The following TTLL8 variants were observed in gnomAD, a reference collection of about 807,000 sequenced individuals.
The protein encoded by TTLL8 is tubulin tyrosine ligase like 8, also known as protein monoglycylase TTLL8.
Under a neutral mutation model 77.8 loss-of-function variants are expected in TTLL8, and 65 were observed. That is an observed-to-expected ratio of 0.84 (90% confidence interval 0.68 to 1.03). The LOEUF (loss-of-function observed/expected upper bound fraction) is 1.03, where lower values mean the gene tolerates loss of function less well. TTLL8 is among the 50% of genes least tolerant of loss of function. The pLI is 0.00. For missense variants in TTLL8, 910 were observed against 1,004.5 expected (o/e 0.91, Z 1.27); for synonymous variants, 402 against 422.8 (o/e 0.95, Z 0.60).
At chr22:50,020,622 C>T (rs1043490535) in intron 12 of TTLL8, among the ~76,000 whole-genome samples, 3 of 149,318 alleles carry the variant, frequency 2.0e-5, no homozygotes, top group African/African-American at 7.4e-5. Flanking sequence ...ACGACGTGTA[C>T]CCCTCCATCT....
chr22:50,029,452 C>A (rs1057472920), intron 12 of TTLL8, among the ~76,000 whole-genome samples: 1 of 152,150 alleles, frequency 6.6e-6, no homozygotes, highest in Non-Finnish European at 1.5e-5. Context: ...CCTAAAGACC[C>A]CCCCTATTGC....
intron 11 of TTLL8, 123 bp downstream of exon 12, chr22:50,031,563 C>T (rs2061293040): frequency 4.2e-6 from 5 of 1,187,366 alleles, no homozygotes; most frequent in Admixed American, 3.6e-5. Flanking sequence ...AGAGCAGGAT[C>T]GGTGTCCTCC....
chr22:50,035,443 G>C (rs957940874), intron 8 of TTLL8, among the ~76,000 whole-genome samples: 2 of 152,190 alleles, frequency 1.3e-5, no homozygotes, highest in African/African-American at 4.8e-5. Context: ...TGTGGCCGGG[G>C]GTGCCTGGGC....
intron 8 of TTLL8, among the ~76,000 whole-genome samples, chr22:50,035,159 G>A (rs1051592809): frequency 5.3e-5 from 8 of 152,188 alleles, no homozygotes; most frequent in Non-Finnish European, 1.0e-4. Context: ...CCCAGGGCCC[G>A]CTGGAGCCGT....
chr22:50,043,853 A>C (rs1043711907), intron 6 of TTLL8, among the ~76,000 whole-genome samples: 1 of 152,084 alleles, frequency 6.6e-6, no homozygotes, highest in African/African-American at 2.4e-5. Context: ...GTGGTAGCCA[A>C]GAGCTCGGGG....
chr22:50,049,890 C>T lies in TTLL8; in HGVS notation c.190+219G>A, dbSNP rs371146049. On this transcript the variant is annotated intron_variant, in intron 2 of 13. Transcript: ENST00000266182. Reference sequence around the variant, plus strand: ...GAGGCCTGGGTGGAGGCCACAGGGACTCTGAGAAGGGAGCAGGGCTGGGGG... The same window carrying T: ...GAGGCCTGGGTGGAGGCCACAGGGATTCTGAGAAGGGAGCAGGGCTGGGGG... 3.8e-5 allele frequency: 10 copies of T among 265,086 alleles called. 1 individual carries two copies. The highest frequency in any genetic ancestry group is 2.1e-4 in the African/African-American group (9 of 43,608). 16.4% of individuals were successfully genotyped at this position (265,086 alleles called of 1,614,324 possible).
chr22:50,049,318 A>G (rs778713232), exon 3 of TTLL8: 2 of 1,367,400 alleles, frequency 1.5e-6, no homozygotes. Context: ...TGGCACATGT[A>G]TCATCTGCCA....
At chr22:50,048,605 G>A (rs2061426644) in intron 3 of TTLL8, among the ~76,000 whole-genome samples, 1 of 152,210 alleles carries the variant, frequency 6.6e-6, no homozygotes, top group Non-Finnish European at 1.5e-5. Context: ...TGCTCTGTAG[G>A]AATGGCACTG....
At chr22:50,023,640 G>A (rs768939294) in intron 12 of TTLL8, among the ~76,000 whole-genome samples, 2 of 151,786 alleles carry the variant, frequency 1.3e-5, no homozygotes, top group African/African-American at 2.4e-5. Flanking sequence ...AGCCAAGATC[G>A]CACCGCTGCA....
rs1043969054 is a variant in TTLL8 at position 50,032,643 on chromosome 22, G to A, written c.1284-534C>T. Among the ~76,000 whole-genome samples, 6 of 152,148 alleles carry A rather than the reference G, an allele frequency of 3.9e-5. No individual in the cohort carries two copies. The South Asian group carries it at 8.3e-4, about 21-fold the overall frequency. ...CTCGTAAAAAGCAGACCCCCTTCCT[G>A]CCCAGCCGTCAGGTCCCCTAGCGCC... On this transcript the variant is annotated intron_variant, in intron 10 of 13. Coordinates refer to ENST00000266182, the Ensembl canonical transcript of TTLL8.
Position 50,041,485 on chromosome 22 carries a change from T to A in TTLL8, c.830+136A>T. On this transcript the variant is annotated intron_variant, in intron 7 of 13. Transcript: ENST00000266182. This position sits in a 1 kb window ranked among gnomAD's most constrained non-coding sequence, Gnocchi z 4.3. ...AGGAGCCCCAACGCCAGGACAGGCATCTCAACACTCAATACCCCACAGGTA... is the reference window on the plus strand; with the variant it reads ...AGGAGCCCCAACGCCAGGACAGGCAACTCAACACTCAATACCCCACAGGTA... 1 of 1,206,058 alleles carries A rather than the reference T, an allele frequency of 8.3e-7. No individual in the cohort carries two copies. The highest frequency in any genetic ancestry group is 1.1e-6 in the Non-Finnish European group (1 of 944,512). 74.7% of individuals were successfully genotyped at this position (1,206,058 alleles called of 1,614,324 possible). A position where few individuals can be genotyped will look rare whatever the true frequency, so the allele number is the denominator to read the frequency against.
chr22:50,020,324 GACGTGCACACCTCCATCTA>G (rs2061187296), intron 12 of TTLL8, among the ~76,000 whole-genome samples: 1 of 144,232 alleles, frequency 6.9e-6, no homozygotes, highest in African/African-American at 2.6e-5. Context: ...TCCTCCATCT[GACGTGCACACCTCCATCTA>G]ACGTGCCCTC....
At chr22:50,027,806 G>A in intron 12 of TTLL8, 2 of 985,460 alleles carry the variant, frequency 2.0e-6, no homozygotes, top group Non-Finnish European at 2.4e-6. Context: ...GGCACATGGA[G>A]CTGGCCTGAG....
chr22:50,030,087 C>T (rs576296623), intron 12 of TTLL8: 87 of 857,038 alleles, frequency 1.0e-4, no homozygotes, highest in Admixed American at 7.4e-4. Flanking sequence ...TGGTGCTGTT[C>T]ACGGCGCTGT....
At chr22:50,046,639 G>T (rs1168182607) in intron 4 of TTLL8, among the ~76,000 whole-genome samples, 1 of 152,238 alleles carries the variant, frequency 6.6e-6, no homozygotes, top group Non-Finnish European at 1.5e-5. Flanking sequence ...CTGTGCTGAG[G>T]CAGCCGCACC....
intron 12 of TTLL8, among the ~76,000 whole-genome samples, chr22:50,029,791 C>T (rs115704036): frequency 0.037 from 5,645 of 152,214 alleles, 216 homozygotes; most frequent in East Asian, 0.21. Flanking sequence ...ACCACGCCCT[C>T]GCGAGGACCC....
At position 50,046,080 on chromosome 22, in the gene TTLL8, C is replaced by T. The variant is rs533078513; in HGVS notation, c.394-110G>A. On this transcript the variant is annotated intron_variant, in intron 4 of 13. Coordinates refer to ENST00000266182, the Ensembl canonical transcript of TTLL8. ...TCAGACTTGCCTGGCTATGGGGCAC[C>T]ACACAGCACCCCTAGGGCGGATCCC... 7.1e-6 allele frequency: 7 copies of T among 988,650 alleles called. No homozygotes were observed. In the African/African-American group the frequency reaches 1.2e-4, roughly 17 times the overall value. 61.2% of individuals were successfully genotyped at this position (988,650 alleles called of 1,614,324 possible).
chr22:50,047,742 C>T (rs903588189), intron 3 of TTLL8, among the ~76,000 whole-genome samples: 1 of 152,168 alleles, frequency 6.6e-6, no homozygotes, highest in African/African-American at 2.4e-5. Context: ...AGGGGTTGGT[C>T]GTGGAGCTGG....
chr22:50,054,464 G>A (rs1331171291), intron 1 of TTLL8: 1 of 167,100 alleles, frequency 6.0e-6, no homozygotes, highest in Non-Finnish European at 1.5e-5. Context: ...CCCCATATAA[G>A]CTCCCAGGGC....
Sources: gnomAD v4.1 joint callset for allele counts (sites outside exome capture counted in the v4.1 genomes callset) on GRCh38, gnomAD v4.1.1 for gene constraint, Gnocchi (gnomAD v3.1) non-coding constraint, MANE v1.5 for transcripts, NCBI Gene and HGNC (gene_info 2026-07-23, HGNC 2026-07-21) for gene names.